Variants in ACRBP observed in about 807,000 individuals in gnomAD.
The protein encoded by ACRBP is acrosin binding protein.
In ACRBP, 52 loss-of-function variants were observed where a neutral mutation model predicts 69.0. The observed-to-expected ratio is 0.75, with a 90% CI of 0.60 to 0.95. ACRBP has a LOEUF of 0.95. Among genes scored for constraint, ACRBP ranks in the 40% least tolerant of loss-of-function variants. The probability of loss-of-function intolerance (pLI) is 0.00; values close to 1 mark genes in which losing one functional copy is unlikely to be tolerated. For synonymous variants in ACRBP, 267 were observed against 258.9 expected, an observed-to-expected ratio of 1.03 and a Z score of -0.30; for missense variants, 604 against 673.0, an observed-to-expected ratio of 0.90 and a Z score of 1.13.
chr12:6,644,773 G>A (rs920753745), intron 4 of ACRBP, among the ~76,000 whole-genome samples, 168 bp from the exon 5 acceptor site: 7 of 152,094 alleles, frequency 4.6e-5, no homozygotes, highest in African/African-American at 1.7e-4. Flanking sequence ...ACATTACCAC[G>A]GCAACTGTAA....
In ACRBP at chr12:6,638,093, G is replaced by A. The variant is rs988007817; in HGVS notation, c.*189C>T. ...CACAGGCTGAAGATCAACATTTTAT[G>A]TAAAGTCATCTTTTAAGGAGGGCGC... On this transcript the variant is annotated 3_prime_UTR_variant, in exon 10 of 10. Transcript: ENST00000229243. 1 of 716,646 alleles carries A rather than the reference G, an allele frequency of 1.4e-6. No individual in the cohort carries two copies. Among genetic ancestry groups the A allele is most frequent in the African/African-American group, 1.8e-5 (1 of 55,878 alleles). The allele number at this position is 716,646 out of a possible 1,614,324, so 44.4% of individuals were successfully genotyped here. A position where few individuals can be genotyped will look rare whatever the true frequency, so the allele number is the denominator to read the frequency against.
chr12:6,646,615 G>A, intron 2 of ACRBP, 38 bp from the exon 3 acceptor site: 1 of 1,595,636 alleles, frequency 6.3e-7, no homozygotes, highest in Non-Finnish European at 8.6e-7. Context: ...GAACCCGTGG[G>A]GAGCTTGGGG....
At chr12:6,646,079 C>G (rs1592308959) in intron 3 of ACRBP, among the ~76,000 whole-genome samples, 1 of 151,162 alleles carries the variant, frequency 6.6e-6, no homozygotes, top group Non-Finnish European at 1.5e-5. Flanking sequence ...CCTGCCTCAG[C>G]CTCCCGAGTA....
intron 3 of ACRBP, among the ~76,000 whole-genome samples, chr12:6,646,125 ATT>A (rs59626834): frequency 0.059 from 7,216 of 121,328 alleles, 409 homozygotes; most frequent in East Asian, 0.35. Context: ...AAGCCCGGCT[ATT>A]TTTTTTTTTT....
intron 3 of ACRBP, among the ~76,000 whole-genome samples, chr12:6,646,104 C>T (rs540989557): frequency 2.0e-5 from 3 of 150,980 alleles, no homozygotes; most frequent in Admixed American, 6.6e-5. Context: ...GGATTACAGG[C>T]GCCCATCACC....
At chr12:6,639,147 C>T in intron 8 of ACRBP, 110 bp from the exon 9 acceptor site, 2 of 955,076 alleles carry the variant, frequency 2.1e-6, no homozygotes, top group Admixed American at 2.0e-5. Context: ...TGGCCCAAGA[C>T]CCAGGTCTTC....
At chr12:6,643,918 T>G (rs1356111618) in intron 5 of ACRBP, 35 of 1,064,082 alleles carry the variant, frequency 3.3e-5, no homozygotes, top group Non-Finnish European at 4.6e-5. Context: ...AGAACCCAAG[T>G]CTGGTAGCTC....
chr12:6,643,984 G>A, intron 5 of ACRBP, 153 bp downstream of exon 5: 1 of 1,396,282 alleles, frequency 7.2e-7, no homozygotes, highest in Non-Finnish European at 9.5e-7. Flanking sequence ...AGCCAACAAT[G>A]GGCACAGAAT....
In ACRBP at chr12:6,647,416, G is replaced by C. The variant is rs1264499041; in HGVS notation, c.-50C>G. The C allele has an allele frequency of 4.1e-6, 6 of 1,480,788 alleles. No individual in the cohort carries two copies. The highest frequency in any genetic ancestry group is 3.6e-6 in the Non-Finnish European group (4 of 1,110,780). 91.7% of individuals were successfully genotyped at this position (1,480,788 alleles called of 1,614,324 possible). ...CCGTGGACACAAGCCGCCTCTAACG[G>C]GCCAAGCCGCAGAGAGAGCCGCAGG... is the stretch of plus-strand genomic sequence containing the variant. On this transcript the variant is annotated 5_prime_UTR_variant, in exon 1 of 10. Coordinates refer to ENST00000229243, the MANE Select transcript of ACRBP (RefSeq NM_032489.3).
rs117409748 is a variant in ACRBP, at chr12:6,640,781, C to A, written c.1078-259G>T. On this transcript the variant is annotated intron_variant, in intron 6 of 9. Transcript: ENST00000229243. This position sits in a 1 kb window ranked among gnomAD's most constrained non-coding sequence, Gnocchi z 5.3. ...CGAGTGACACCCAAATCTTTATCAC[C>A]AGCTCTGATCTCTCTCTTGGGCTCC... Among the ~76,000 whole-genome samples the A allele has an allele frequency of 0.029, 4,366 of 152,230 alleles. 90 individuals are homozygous for A. Among genetic ancestry groups the A allele is most frequent in the Non-Finnish European group, 0.041 (2,821 of 68,024 alleles).
intron 6 of ACRBP, 92 bp downstream of exon 6, chr12:6,643,447 C>T (rs1949066905): frequency 6.5e-7 from 1 of 1,527,804 alleles, no homozygotes. Context: ...TCATGCTTCT[C>T]CTGCCCATCC....
At chr12:6,638,579 C>T in intron 9 of ACRBP, 175 bp from the exon 10 acceptor site, 1 of 1,199,804 alleles carries the variant, frequency 8.3e-7, no homozygotes, top group East Asian at 2.6e-5. Context: ...AGACATCAAG[C>T]AGCCCAACCC....
At chr12:6,642,448 C>T (rs1949059815) in intron 6 of ACRBP, among the ~76,000 whole-genome samples, 2 of 152,152 alleles carry the variant, frequency 1.3e-5, no homozygotes. Flanking sequence ...GCAGGGGACA[C>T]CCAAATCTTT....
rs1199733968 is a variant in ACRBP, at chr12:6,640,579, A to AT, written c.1078-58dup. The AT allele has an allele frequency of 6.4e-7, 1 of 1,567,994 alleles. No homozygotes were observed. The highest frequency in any genetic ancestry group is 1.3e-5 in the African/African-American group (1 of 74,130). On this transcript the variant is annotated intron_variant, in intron 6 of 9. Transcript: ENST00000229243. This position sits in a 1 kb window ranked among gnomAD's most constrained non-coding sequence, Gnocchi z 5.3. ...GAGAGTCAGCGGCCTGCCTTCTCCCATGCCTCAGCCCTCCAGGGTGGGCCC... is the reference window on the plus strand; with the variant it reads ...GAGAGTCAGCGGCCTGCCTTCTCCCATTGCCTCAGCCCTCCAGGGTGGGCCC...
chr12:6,638,548 G>A (rs1949027984), intron 9 of ACRBP, 144 bp from the exon 10 acceptor site: 9 of 1,307,368 alleles, frequency 6.9e-6, no homozygotes, highest in Non-Finnish European at 8.4e-6. Context: ...AAACTCAAAT[G>A]TGGGTTTTTA....
intron 4 of ACRBP, 85 bp from the exon 5 acceptor site, chr12:6,644,690 A>G: frequency 6.6e-7 from 1 of 1,509,824 alleles, no homozygotes; most frequent in Non-Finnish European, 8.8e-7. Context: ...ACACACACAT[A>G]AACAAAGCAG....
At position 6,638,202 on chromosome 12, in the gene ACRBP, C is replaced by A; in HGVS notation, c.*80G>T. On this transcript the variant is annotated 3_prime_UTR_variant, in exon 10 of 10. Coordinates refer to ENST00000229243, the MANE Select transcript of ACRBP (RefSeq NM_032489.3). ...GGCCGAGTAACAGACCCAGAAGGGG[C>A]AGCCTGAAAGCAATGGGGTCTCAAA... 1.9e-6 allele frequency: 3 copies of A among 1,573,898 alleles called. No homozygotes were observed. The highest frequency in any genetic ancestry group is 1.4e-5 in the African/African-American group (1 of 73,896).
chr12:6,645,108 C>A, intron 4 of ACRBP, 112 bp downstream of exon 4: 1 of 820,892 alleles, frequency 1.2e-6, no homozygotes, highest in Non-Finnish European at 2.0e-6. Flanking sequence ...TCTGCTGGCG[C>A]CCCCTTCCCG....
chr12:6,638,101 A>G lies in ACRBP; in HGVS notation c.*181T>C. 1 of 761,832 alleles carries G rather than the reference A, an allele frequency of 1.3e-6. No homozygotes were observed. The allele number at this position is 761,832 out of a possible 1,614,324, so 47.2% of individuals were successfully genotyped here. A position where few individuals can be genotyped will look rare whatever the true frequency, so the allele number is the denominator to read the frequency against. On this transcript the variant is annotated 3_prime_UTR_variant, in exon 10 of 10. Transcript: ENST00000229243. ...GAAGATCAACATTTTATGTAAAGTCATCTTTTAAGGAGGGCGCAGCTCCCA... is the reference window on the plus strand; with the variant it reads ...GAAGATCAACATTTTATGTAAAGTCGTCTTTTAAGGAGGGCGCAGCTCCCA...
Sources: allele counts gnomAD v4.1 joint callset (sites outside exome capture counted in the v4.1 genomes callset), GRCh38; gene constraint gnomAD v4.1.1; non-coding constraint Gnocchi (gnomAD v3.1); transcripts MANE v1.5; gene names NCBI Gene and HGNC (gene_info 2026-07-23, HGNC 2026-07-21).